The following TRAK2 variants were observed in gnomAD, a reference collection of about 807,000 sequenced individuals.
TRAK2 encodes the protein trafficking kinesin protein 2.
A neutral mutation model predicts 104.6 loss-of-function variants in TRAK2; 81 were observed. The observed-to-expected ratio is 0.77, with a 90% CI of 0.65 to 0.93. The LOEUF (loss-of-function observed/expected upper bound fraction) is 0.93, where lower values mean the gene tolerates loss of function less well. Ranked by LOEUF, TRAK2 falls within the 40% of genes least tolerant of loss-of-function variation. TRAK2 has a pLI of 0.00. For missense variants in TRAK2, 1,002 were observed against 1,089.0 expected (o/e 0.92, Z 1.12); for synonymous variants, 406 against 394.4 (o/e 1.03, Z -0.35).
At chr2:201,444,931 A>G (rs1454110765) in intron 1 of TRAK2, among the ~76,000 whole-genome samples, 3 of 152,204 alleles carry the variant, frequency 2.0e-5, no homozygotes, top group South Asian at 2.1e-4. Context: ...GTTACACAAT[A>G]GAGTATAACA....
At chr2:201,396,597 CTAATAATAAAA>C (rs1172117236) in intron 7 of TRAK2, among the ~76,000 whole-genome samples, 1 of 152,042 alleles carries the variant, frequency 6.6e-6, no homozygotes, top group Non-Finnish European at 1.5e-5. Flanking sequence ...AGATTAATAA[CTAATAATAAAA>C]TAATTATAAC....
intron 1 of TRAK2, among the ~76,000 whole-genome samples, chr2:201,422,895 G>C (rs962581810): frequency 6.6e-6 from 1 of 151,982 alleles, no homozygotes; most frequent in African/African-American, 2.4e-5. Context: ...TATTGGCATG[G>C]GGTTTCCATT....
At position 201,420,401 on chromosome 2, in the gene TRAK2, A is replaced by T; in HGVS notation, c.91+16T>A. 6.2e-7 allele frequency: 1 copy of T among 1,609,150 alleles called. No homozygotes were observed. The highest frequency in any genetic ancestry group is 8.5e-7 in the Non-Finnish European group (1 of 1,175,748). On this transcript the variant is annotated intron_variant, in intron 2 of 15. Coordinates refer to ENST00000332624, the MANE Select transcript of TRAK2 (RefSeq NM_015049.3). ...TATAAGCGATAGCACTTCAATATTT[A>T]TTAAACTGGACTTACCAGTGATGCT...
Position 201,399,455 on chromosome 2 carries a change from T to C in TRAK2, c.402A>G (p.Gln134=). Residue 134 remains glutamine (Q), a synonymous_variant, in exon 5 of 16, where the codon CAA becomes CAG. Transcript: ENST00000332624. ...AGACATGGTTCCGCTTTAAGAGAGC[T>C]TGTCCAATTCGAGCAGCGAGTTCCA... ...RDLELAARIG[Q]ALLKRNHVLS... The C allele has an allele frequency of 1.2e-6, 2 of 1,612,806 alleles. No homozygotes were observed. Among genetic ancestry groups the C allele is most frequent in the Non-Finnish European group, 1.7e-6 (2 of 1,179,000 alleles).
intron 2 of TRAK2, among the ~76,000 whole-genome samples, chr2:201,415,962 A>G (rs2125652880): frequency 6.6e-6 from 1 of 152,300 alleles, no homozygotes; most frequent in East Asian, 1.9e-4. Context: ...TAGGAAAAAA[A>G]GAACATTAAA....
Position 201,379,368 on chromosome 2 carries a change from T to C in TRAK2, c.*1175A>G, listed in dbSNP as rs554769200. The stretch of plus-strand genomic sequence containing the variant: ...GACTCCCCCATTAAAAAGTTTATTC[T>C]CTAATTCTATAAATATCAAGAAGGC... On this transcript the variant is annotated 3_prime_UTR_variant, in exon 16 of 16. Transcript: ENST00000332624. 5 of 152,640 alleles carry C rather than the reference T, an allele frequency of 3.3e-5. No homozygotes were observed. Among genetic ancestry groups the C allele is most frequent in the African/African-American group, 1.2e-4 (5 of 41,582 alleles). 9.5% of individuals were successfully genotyped at this position (152,640 alleles called of 1,614,324 possible).
In TRAK2 at chr2:201,447,331, G is replaced by T. The variant is rs914911922; in HGVS notation, c.-200+4019C>A. ...CCTAACCACAGCTTAAAGGCTTTTT[G>T]TATGTCAACTTCTATCACCTAACCA... On this transcript the variant is annotated intron_variant, in intron 1 of 15. Coordinates refer to ENST00000332624, the MANE Select transcript of TRAK2 (RefSeq NM_015049.3). The surrounding 1 kb of genome is among the most constrained non-coding windows in gnomAD (Gnocchi z 4.1). 2.6e-5 allele frequency among the ~76,000 whole-genome samples: 4 copies of T among 152,248 alleles called. No individual in the cohort carries two copies. The highest frequency in any genetic ancestry group is 7.2e-5 in the African/African-American group (3 of 41,552).
Position 201,389,386 on chromosome 2 carries a change from C to T in TRAK2, c.1311G>A (p.Met437Ile). 6.2e-7 allele frequency: 1 copy of T among 1,614,114 alleles called. No individual in the cohort carries two copies. The highest frequency in any genetic ancestry group is 8.5e-7 in the Non-Finnish European group (1 of 1,180,034). Residue 437 changes from methionine (M) to isoleucine (I), a missense_variant, in exon 12 of 16, where the codon ATG (methionine) becomes ATA (isoleucine). By Grantham distance (10) the Met-to-Ile change is conservative (BLOSUM62 1). Transcript: ENST00000332624. ...IPGSNRSSVI[M>I]TAKPFESGLQ... is the part of the protein sequence containing the mutation. ...GACCAGACTCAAAAGGTTTTGCTGT[C>T]ATGATGACACTTGAACGGTTGGAGC...
intron 1 of TRAK2, among the ~76,000 whole-genome samples, chr2:201,439,763 G>A (rs1293870682): frequency 6.6e-6 from 1 of 151,206 alleles, no homozygotes; most frequent in Non-Finnish European, 1.5e-5. Flanking sequence ...CATAAAAAAT[G>A]ATGAGTTCAT....
At chr2:201,429,178 G>C (rs1951819245) in intron 1 of TRAK2, among the ~76,000 whole-genome samples, 1 of 152,108 alleles carries the variant, frequency 6.6e-6, no homozygotes, top group African/African-American at 2.4e-5. Context: ...TTGCCTGATT[G>C]CCCTAGCCAG....
chr2:201,391,960 T>TTAGA (rs1370554685), intron 10 of TRAK2, among the ~76,000 whole-genome samples: 1 of 152,144 alleles, frequency 6.6e-6, no homozygotes, highest in African/African-American at 2.4e-5. Context: ...GCTCTGTGGA[T>TTAGA]TAGATGATAA....
chr2:201,402,722 A>C (rs1474372061), intron 3 of TRAK2, among the ~76,000 whole-genome samples: 1 of 152,186 alleles, frequency 6.6e-6, no homozygotes, highest in Non-Finnish European at 1.5e-5. Context: ...TTATGGGAAA[A>C]ATATAAAATC....
rs1951428345 is a variant in TRAK2, at chr2:201,389,781, C to T, written c.1193+20G>A. ...TTCTATTCCAATGATTGAGTAACAACACATGTGACCTGTACTTACTTTTGT... is the reference window on the plus strand; with the variant it reads ...TTCTATTCCAATGATTGAGTAACAATACATGTGACCTGTACTTACTTTTGT... On this transcript the variant is annotated intron_variant, in intron 11 of 15. Transcript: ENST00000332624. 3 of 1,582,014 alleles carry T rather than the reference C, an allele frequency of 1.9e-6. No individual in the cohort carries two copies. The highest frequency in any genetic ancestry group is 2.2e-5 in the East Asian group (1 of 44,744).
chr2:201,391,658 A>G (rs1951449355), intron 10 of TRAK2, among the ~76,000 whole-genome samples: 1 of 152,208 alleles, frequency 6.6e-6, no homozygotes, highest in Non-Finnish European at 1.5e-5. Flanking sequence ...AGTGGAAAAA[A>G]CCAGCAGATT....
chr2:201,382,239 G>C (rs1951351655), intron 15 of TRAK2, among the ~76,000 whole-genome samples: 1 of 152,184 alleles, frequency 6.6e-6, no homozygotes, highest in African/African-American at 2.4e-5. Flanking sequence ...TGATGAAATA[G>C]AGATGGTACT....
intron 10 of TRAK2, 72 bp downstream of exon 10, chr2:201,392,837 C>A: frequency 3.5e-6 from 5 of 1,444,892 alleles, no homozygotes; most frequent in South Asian, 1.4e-5. Context: ...CATCATAAAC[C>A]ATCAAACTTT....
rs776945937 is a variant in TRAK2, at chr2:201,387,759, G to A, written c.1640C>T (p.Ala547Val). 1.2e-6 allele frequency: 2 copies of A among 1,613,190 alleles called. No homozygotes were observed. The highest frequency in any genetic ancestry group is 1.1e-5 in the South Asian group (1 of 91,020). ...TGGCATAAAACCTCGAAGGCAACTGGCACTGCTGAGGTCTGTGATCTCTGA... is the reference window on the plus strand; with the variant it reads ...TGGCATAAAACCTCGAAGGCAACTGACACTGCTGAGGTCTGTGATCTCTGA... ...TQSEITDLSSASCLRGFMPEK... is the reference protein window; with the variant it reads ...TQSEITDLSSVSCLRGFMPEK... Residue 547 changes from alanine (A) to valine (V), a missense_variant, in exon 13 of 16, where the codon GCC (alanine) becomes GTC (valine). Coordinates refer to ENST00000332624, the MANE Select transcript of TRAK2 (RefSeq NM_015049.3).
At chr2:201,435,478 T>G (rs1951874410) in intron 1 of TRAK2, among the ~76,000 whole-genome samples, 1 of 152,272 alleles carries the variant, frequency 6.6e-6, no homozygotes, top group Admixed American at 6.5e-5. Context: ...CAAGGCTATA[T>G]AATAATATTC....
chr2:201,391,370 AAAG>A (rs1951446972), intron 10 of TRAK2, among the ~76,000 whole-genome samples: 1 of 152,206 alleles, frequency 6.6e-6, no homozygotes, highest in African/African-American at 2.4e-5. Context: ...CTAACTTACA[AAAG>A]AAAAATGCCA....
Sources: gnomAD v4.1 joint callset for allele counts (sites outside exome capture counted in the v4.1 genomes callset) on GRCh38, gnomAD v4.1.1 for gene constraint, Gnocchi (gnomAD v3.1) non-coding constraint, MANE v1.5 for transcripts, NCBI Gene and HGNC (gene_info 2026-07-23, HGNC 2026-07-21) for gene names.